CERK: variants seen among roughly 807,000 people sequenced by gnomAD.
The protein encoded by CERK is acylsphingosine kinase.
In CERK, 39 loss-of-function variants were observed where a neutral mutation model predicts 63.4. That is an observed-to-expected ratio of 0.61 (90% CI 0.48 to 0.80). The LOEUF (loss-of-function observed/expected upper bound fraction) is 0.80, where lower values mean the gene tolerates loss of function less well. CERK is among the 30% of genes least tolerant of loss of function. CERK has a pLI of 0.00. For missense variants in CERK, 670 were observed against 714.1 expected (o/e 0.94, Z 0.70); for synonymous variants, 302 against 280.0 (o/e 1.08, Z -0.78).
In CERK at chr22:46,694,009, CTGTT is replaced by C. The variant is rs148341918; in HGVS notation, c.1050-510_1050-507del. ...CGGATTCACGCTGTCAAACAGGACA[CTGTT>C]TGCACTGATGGAAATCGCTCATCAG... On this transcript the variant is annotated intron_variant, in intron 9 of 12. Coordinates refer to ENST00000216264, the MANE Select transcript of CERK (RefSeq NM_022766.6). Among the ~76,000 whole-genome samples the C allele has an allele frequency of 6.7e-3, 1,014 of 152,318 alleles. 11 individuals carry two copies. Among genetic ancestry groups the C allele is most frequent in the Middle Eastern group, 0.031 (9 of 294 alleles).
At chr22:46,693,671 C>T (rs2146545135) in intron 9 of CERK, 168 bp from the exon 10 acceptor site, 1 of 581,988 alleles carries the variant, frequency 1.7e-6, no homozygotes, top group East Asian at 3.1e-5. Flanking sequence ...AGAATGAGAC[C>T]TACTTTTACA....
At chr22:46,737,225 G>T (rs1347074909) in intron 1 of CERK, among the ~76,000 whole-genome samples, 6 of 151,624 alleles carry the variant, frequency 4.0e-5, no homozygotes, top group Non-Finnish European at 8.8e-5. Flanking sequence ...CCCAGGAGGC[G>T]GAGGTGCAGT....
chr22:46,687,665 A>G (rs1441720355), intron 12 of CERK, among the ~76,000 whole-genome samples: 1 of 149,152 alleles, frequency 6.7e-6, no homozygotes, highest in East Asian at 2.1e-4. Flanking sequence ...CAATGCGTGT[A>G]AGAGATGTGT....
chr22:46,695,725 C>A (rs1261249375), intron 8 of CERK, among the ~76,000 whole-genome samples: 1 of 152,256 alleles, frequency 6.6e-6, no homozygotes, highest in Non-Finnish European at 1.5e-5. Context: ...CAGGGCTTGG[C>A]CCCCACTGGG....
At chr22:46,707,082 C>G (rs564042747) in intron 6 of CERK, among the ~76,000 whole-genome samples, 1 of 152,204 alleles carries the variant, frequency 6.6e-6, no homozygotes, top group East Asian at 1.9e-4. Flanking sequence ...GACCTGTGAC[C>G]TCACCCCCAG....
intron 3 of CERK, among the ~76,000 whole-genome samples, chr22:46,713,046 G>A (rs899647733): frequency 3.3e-5 from 5 of 151,052 alleles, no homozygotes; most frequent in East Asian, 2.0e-4. Context: ...GGGTTTCACC[G>A]TGTTAGCCAG....
At chr22:46,733,244 T>C (rs1032787562) in intron 1 of CERK, among the ~76,000 whole-genome samples, 4 of 150,786 alleles carry the variant, frequency 2.7e-5, no homozygotes, top group Non-Finnish European at 5.9e-5. Context: ...ACCCTTTCTC[T>C]ATCCTATTTG....
intron 10 of CERK, among the ~76,000 whole-genome samples, chr22:46,692,724 G>T (rs2082737632): frequency 6.6e-6 from 1 of 151,790 alleles, no homozygotes; most frequent in East Asian, 1.9e-4. Context: ...GGCCAACATG[G>T]TGAAACCCCA....
At chr22:46,728,378 A>G (rs1199572179) in intron 1 of CERK, among the ~76,000 whole-genome samples, 1 of 152,138 alleles carries the variant, frequency 6.6e-6, no homozygotes, top group Non-Finnish European at 1.5e-5. Context: ...AACAAATCCC[A>G]GAGTCCCTGC....
chr22:46,732,170 G>A (rs1260933832), intron 1 of CERK, among the ~76,000 whole-genome samples: 2 of 152,308 alleles, frequency 1.3e-5, no homozygotes, highest in Non-Finnish European at 2.9e-5. Flanking sequence ...AACCCAGCAG[G>A]CGGTGAGGGT....
chr22:46,725,224 T>G (rs2082912576), intron 1 of CERK, among the ~76,000 whole-genome samples: 1 of 151,838 alleles, frequency 6.6e-6, no homozygotes, highest in Non-Finnish European at 1.5e-5. Context: ...TCTTCGATAC[T>G]CTCATTTCTA....
At chr22:46,696,629 C>T (rs1245647287) in intron 8 of CERK, among the ~76,000 whole-genome samples, 2 of 152,244 alleles carry the variant, frequency 1.3e-5, no homozygotes, top group African/African-American at 4.8e-5. Context: ...CACGCTCATT[C>T]TCCTTCCATG....
chr22:46,708,171 C>A (rs1279056849), intron 5 of CERK, among the ~76,000 whole-genome samples, 183 bp from the exon 6 acceptor site: 3 of 152,226 alleles, frequency 2.0e-5, no homozygotes, highest in Non-Finnish European at 4.4e-5. Context: ...TTGGCCTAGA[C>A]CACGTGTACA....
At chr22:46,697,859 C>T (rs913730341) in intron 8 of CERK, among the ~76,000 whole-genome samples, 6 of 152,234 alleles carry the variant, frequency 3.9e-5, no homozygotes, top group South Asian at 2.1e-4. Context: ...CTGGTGACGT[C>T]GCACCCACTG....
intron 1 of CERK, among the ~76,000 whole-genome samples, chr22:46,721,423 G>T (rs2082892076): frequency 6.7e-6 from 1 of 149,966 alleles, no homozygotes; most frequent in Non-Finnish European, 1.5e-5. Context: ...CTCCCGAACA[G>T]CTTTTTTAAT....
At chr22:46,694,205 G>A (rs756409181) in intron 9 of CERK, among the ~76,000 whole-genome samples, 40 of 152,184 alleles carry the variant, frequency 2.6e-4, no homozygotes, top group Non-Finnish European at 5.1e-4. Flanking sequence ...AGGCGCAGCT[G>A]TCTCCACAGC....
chr22:46,707,670 A>G (rs545110281), intron 6 of CERK, among the ~76,000 whole-genome samples, 173 bp downstream of exon 6: 42 of 152,242 alleles, frequency 2.8e-4, no homozygotes, highest in Admixed American at 4.6e-4. Context: ...TGTCTATTTC[A>G]TTGGGGTCAT....
At chr22:46,713,280 G>A (rs920994924) in intron 3 of CERK, among the ~76,000 whole-genome samples, 3 of 151,510 alleles carry the variant, frequency 2.0e-5, no homozygotes, top group Admixed American at 6.6e-5. Flanking sequence ...CGAGGTGGGC[G>A]GATCACGAGG....
intron 11 of CERK, among the ~76,000 whole-genome samples, chr22:46,690,466 C>T (rs2082725141): frequency 6.6e-6 from 1 of 152,126 alleles, no homozygotes; most frequent in Non-Finnish European, 1.5e-5. Context: ...CCTTCCGCGG[C>T]ACTTGTCAAA....
Sources: allele counts gnomAD v4.1 joint callset (sites outside exome capture counted in the v4.1 genomes callset), GRCh38; gene constraint gnomAD v4.1.1; transcripts MANE v1.5; gene names NCBI Gene and HGNC (gene_info 2026-07-23, HGNC 2026-07-21).